PGBD5: variants seen among roughly 807,000 people sequenced by gnomAD.
PGBD5 encodes the protein piggyBac transposable element-derived protein 5.
Under a neutral mutation model 47.9 loss-of-function variants are expected in PGBD5, and 14 were observed. The ratio of observed to expected loss-of-function variants is 0.29; its 90% CI spans 0.19 to 0.46. The LOEUF (loss-of-function observed/expected upper bound fraction) is 0.46, where lower values mean the gene tolerates loss of function less well. PGBD5 is among the 20% of genes least tolerant of loss of function. The pLI, the probability that PGBD5 is intolerant of heterozygous loss-of-function variation, is 1.00. For missense variants in PGBD5, 635 were observed against 716.0 expected, an observed-to-expected ratio of 0.89 and a Z score of 1.29; for synonymous variants, 316 against 306.3, an observed-to-expected ratio of 1.03 and a Z score of -0.33.
At chr1:230,379,421 C>A (rs1668059808) in intron 1 of PGBD5, among the ~76,000 whole-genome samples, 1 of 152,202 alleles carries the variant, frequency 6.6e-6, no homozygotes, top group African/African-American at 2.4e-5. Flanking sequence ...ACTGTAGTAG[C>A]CTGCTAATCA....
intron 1 of PGBD5, among the ~76,000 whole-genome samples, chr1:230,415,610 A>T (rs945156154): frequency 6.6e-6 from 1 of 152,274 alleles, no homozygotes; most frequent in East Asian, 1.9e-4. Context: ...TCATCTGCCC[A>T]TGTGGGTCTC....
chr1:230,393,824 C>G (rs77390191), intron 1 of PGBD5, among the ~76,000 whole-genome samples: 1 of 77,580 alleles, frequency 1.3e-5, no homozygotes, highest in African/African-American at 5.9e-5. Flanking sequence ...GACTCCGTCT[C>G]AAAAAAAAAA....
At chr1:230,407,364 T>C (rs184903863) in intron 1 of PGBD5, among the ~76,000 whole-genome samples, 55 of 152,278 alleles carry the variant, frequency 3.6e-4, no homozygotes, top group Middle Eastern at 3.4e-3. Flanking sequence ...ATTGCTGAGA[T>C]TTGCCCAAGC....
At chr1:230,364,805 G>A (rs1667802606) in intron 1 of PGBD5, among the ~76,000 whole-genome samples, 2 of 151,430 alleles carry the variant, frequency 1.3e-5, no homozygotes, top group African/African-American at 2.4e-5. Flanking sequence ...TGGATCACCT[G>A]AGGTCAGGAG....
intron 1 of PGBD5, among the ~76,000 whole-genome samples, chr1:230,420,869 C>T (rs1364233438): frequency 6.6e-6 from 1 of 152,092 alleles, no homozygotes; most frequent in Non-Finnish European, 1.5e-5. Flanking sequence ...AAAAAACATA[C>T]AATCACAGTC....
chr1:230,400,146 G>A (rs998877491), intron 1 of PGBD5, among the ~76,000 whole-genome samples: 1 of 152,036 alleles, frequency 6.6e-6, no homozygotes, highest in Non-Finnish European at 1.5e-5. Flanking sequence ...CTTCCTCCGC[G>A]CCTCGCCCAC....
intron 1 of PGBD5, among the ~76,000 whole-genome samples, chr1:230,376,156 T>C (rs1668010900): frequency 6.6e-6 from 1 of 152,098 alleles, no homozygotes; most frequent in Non-Finnish European, 1.5e-5. Flanking sequence ...CCTTCCTTTC[T>C]ATGCAGGCAC....
intron 1 of PGBD5, among the ~76,000 whole-genome samples, chr1:230,383,960 CTG>C (rs1480769464): frequency 6.6e-6 from 1 of 152,166 alleles, no homozygotes; most frequent in Non-Finnish European, 1.5e-5. Context: ...CGGTCCTCCC[CTG>C]TGACTTCGGG....
intron 1 of PGBD5, among the ~76,000 whole-genome samples, chr1:230,394,659 C>T (rs1296732370): frequency 7.1e-6 from 1 of 140,882 alleles, no homozygotes; most frequent in Non-Finnish European, 1.5e-5. Flanking sequence ...TCCTCCCAAT[C>T]CCCAAGGTCC....
chr1:230,403,236 G>A (rs1327539470), intron 1 of PGBD5, among the ~76,000 whole-genome samples: 3 of 152,128 alleles, frequency 2.0e-5, no homozygotes, highest in Non-Finnish European at 2.9e-5. Context: ...ATCTCCCAAC[G>A]TCTGTTTCAT....
At chr1:230,341,293 C>G (rs900732825) in intron 3 of PGBD5, among the ~76,000 whole-genome samples, 3 of 152,124 alleles carry the variant, frequency 2.0e-5, no homozygotes, top group African/African-American at 7.2e-5. Flanking sequence ...AGAGGTACTG[C>G]TTGGTCTGAT....
intron 3 of PGBD5, among the ~76,000 whole-genome samples, chr1:230,346,819 T>C (rs1449348541): frequency 6.6e-6 from 1 of 152,128 alleles, no homozygotes; most frequent in African/African-American, 2.4e-5. Flanking sequence ...GCTATGTCGA[T>C]GAATATTTTT....
chr1:230,408,497 T>C lies in PGBD5; in HGVS notation c.331+17101A>G, dbSNP rs180830606. 3.1e-4 allele frequency among the ~76,000 whole-genome samples: 47 copies of C among 152,294 alleles called. 1 individual carries two copies. The East Asian group carries it at 8.7e-3, about 28-fold the overall frequency. ...ATAGCATACTGTTTTCAAATGACTGTAGAGCAATACATATTTTATTGCGAA... is the reference window on the plus strand; with the variant it reads ...ATAGCATACTGTTTTCAAATGACTGCAGAGCAATACATATTTTATTGCGAA... On this transcript the variant is annotated intron_variant, in intron 1 of 6. Transcript: ENST00000391860.
At chr1:230,377,735 G>A (rs1668036398) in intron 1 of PGBD5, 15 of 1,411,208 alleles carry the variant, frequency 1.1e-5, no homozygotes, top group African/African-American at 2.9e-5. Flanking sequence ...GTCATTGTGA[G>A]AATAAAATGA....
At chr1:230,362,411 G>A (rs1571840769) in intron 1 of PGBD5, 1 of 1,345,610 alleles carries the variant, frequency 7.4e-7, no homozygotes, top group Non-Finnish European at 9.9e-7. Flanking sequence ...GCTTGCCGGG[G>A]AAGCCTGTGT....
At chr1:230,411,281 T>C (rs1002964222) in intron 1 of PGBD5, among the ~76,000 whole-genome samples, 5 of 151,902 alleles carry the variant, frequency 3.3e-5, no homozygotes, top group African/African-American at 1.2e-4. Flanking sequence ...CAGACCCCCA[T>C]CTCAAAAAAG....
At chr1:230,361,125 A>C (rs1667735097) in intron 1 of PGBD5, among the ~76,000 whole-genome samples, 1 of 152,170 alleles carries the variant, frequency 6.6e-6, no homozygotes, top group Non-Finnish European at 1.5e-5. Context: ...CATACGACTG[A>C]AGTCACGGGA....
In PGBD5 at chr1:230,332,777, G is replaced by A. The variant is rs953371952; in HGVS notation, c.1273+67C>T. 31 of 1,573,952 alleles carry A rather than the reference G, an allele frequency of 2.0e-5. No homozygotes were observed. The East Asian group carries it at 5.4e-4, about 27-fold the overall frequency. On this transcript the variant is annotated intron_variant, in intron 5 of 6. Coordinates refer to ENST00000391860, the MANE Select transcript of PGBD5 (RefSeq NM_001258311.2). ...CAGTGGACGCCACATCCACCGCAGC[G>A]GTGGGCTCGGCCAAGCTCAACCAAT...
intron 1 of PGBD5, among the ~76,000 whole-genome samples, chr1:230,388,737 C>A (rs1469820039): frequency 1.3e-5 from 2 of 152,144 alleles, no homozygotes; most frequent in Non-Finnish European, 2.9e-5. Flanking sequence ...TTTTAAATGC[C>A]CAAGAATGAA....
Sources: gnomAD v4.1 joint callset for allele counts (sites outside exome capture counted in the v4.1 genomes callset) on GRCh38, gnomAD v4.1.1 for gene constraint, MANE v1.5 for transcripts, NCBI Gene and HGNC (gene_info 2026-07-23, HGNC 2026-07-21) for gene names.